The following FREM2 variants were observed in gnomAD, a reference collection of about 807,000 sequenced individuals.
The protein encoded by FREM2 is FRAS1-related extracellular matrix protein 2.
Under a neutral mutation model 219.9 loss-of-function variants are expected in FREM2, and 119 were observed. The observed-to-expected ratio is 0.54, with a 90% CI of 0.47 to 0.63. The LOEUF (loss-of-function observed/expected upper bound fraction) is 0.63. Among genes scored for constraint, FREM2 ranks in the 30% least tolerant of loss-of-function variants. The probability of loss-of-function intolerance (pLI) is 0.00; values close to 1 mark genes in which losing one functional copy is unlikely to be tolerated. For synonymous variants in FREM2, 1,562 were observed against 1,522.8 expected (o/e 1.03, Z -0.60); for missense variants, 4,030 against 3,993.6 (o/e 1.01, Z -0.25).
At chr13:38,744,262 G>A (rs1872373456) in intron 2 of FREM2, among the ~76,000 whole-genome samples, 1 of 128,792 alleles carries the variant, frequency 7.8e-6, no homozygotes, top group African/African-American at 3.0e-5. Flanking sequence ...CCAGGCTGGT[G>A]TGCATTGGTG....
Position 38,691,232 on chromosome 13 carries a change from T to C in FREM2, c.3888T>C (p.Val1296=), listed in dbSNP as rs781401598. The C allele has an allele frequency of 3.1e-6, 5 of 1,613,932 alleles. No individual in the cohort carries two copies. In the South Asian group the frequency reaches 4.4e-5, roughly 14 times the overall value. ...HSVEKTVLII[V]IPVDDETPRM... ...TGGAAAAGACGGTCCTCATTATAGTTATCCCTGTTGATGATGAGACGCCCA... is the reference window on the plus strand; with the variant it reads ...TGGAAAAGACGGTCCTCATTATAGTCATCCCTGTTGATGATGAGACGCCCA... Residue 1296 remains valine, a synonymous_variant, in exon 1 of 24, where the codon GTT becomes GTC. Coordinates refer to ENST00000280481, the MANE Select transcript of FREM2 (RefSeq NM_207361.6).
chr13:38,772,462 A>G (rs988337510), intron 4 of FREM2, among the ~76,000 whole-genome samples: 7 of 152,164 alleles, frequency 4.6e-5, no homozygotes, highest in African/African-American at 1.7e-4. Context: ...ATGTAAGTCT[A>G]TGCTTTTCTC....
In FREM2 at chr13:38,784,712, GA is replaced by G. The variant is rs771741876; in HGVS notation, c.5926del (p.Thr1976ProfsTer6). ...IIDDSLYEEE[E>X]TFHVLLSMPM... ...TGATGACTCTTTGTACGAGGAGGAG[GA>G]AACCTTCCATGTCCTTCTGAGCATG... On this transcript the variant is annotated frameshift_variant, in exon 6 of 24. Transcript: ENST00000280481. LOFTEE classifies it high-confidence loss of function. 6.2e-7 allele frequency: 1 copy of G among 1,614,162 alleles called. No homozygotes were observed. Among genetic ancestry groups the G allele is most frequent in the South Asian group, 1.1e-5 (1 of 91,082 alleles).
chr13:38,804,852 C>G (rs1875161725), intron 6 of FREM2, among the ~76,000 whole-genome samples: 1 of 152,110 alleles, frequency 6.6e-6, no homozygotes, highest in South Asian at 2.1e-4. Context: ...TAATGCCCAG[C>G]TCCTTGGATT....
At chr13:38,694,502 G>A (rs535687902) in intron 1 of FREM2, among the ~76,000 whole-genome samples, 14 of 152,242 alleles carry the variant, frequency 9.2e-5, no homozygotes, top group South Asian at 8.3e-4. Flanking sequence ...TTTTCCACTA[G>A]GAGAAATGAA....
At chr13:38,756,507 G>A (rs957009295) in intron 2 of FREM2, among the ~76,000 whole-genome samples, 11 of 148,626 alleles carry the variant, frequency 7.4e-5, no homozygotes, top group African/African-American at 2.5e-4. Flanking sequence ...CACTGCTTCA[G>A]CACTATGGTT....
chr13:38,688,890 C>G lies in FREM2; in HGVS notation c.1546C>G (p.Gln516Glu), dbSNP rs754076920. ...SFTVAELAAG[Q>E]VVYQHDDRDG... Reference sequence around the variant, plus strand: ...TACAGTGGCTGAGCTGGCAGCCGGCCAGGTGGTCTACCAGCATGATGACAG... The same window carrying G: ...TACAGTGGCTGAGCTGGCAGCCGGCGAGGTGGTCTACCAGCATGATGACAG... The change falls in exon 1 of 24, where the codon CAG becomes GAG. Residue 516 changes from glutamine to glutamate, a missense_variant. This residue lies in a region of FREM2 where 3,102 missense variants were observed against 2,950.7 expected (regional missense o/e 1.05). Coordinates refer to ENST00000280481, the MANE Select transcript of FREM2 (RefSeq NM_207361.6). The G allele has an allele frequency of 1.2e-5, 19 of 1,612,800 alleles. No individual in the cohort carries two copies. The highest frequency in any genetic ancestry group is 1.5e-5 in the Non-Finnish European group (18 of 1,179,480).
rs114712324 is a variant in FREM2 at position 38,791,785 on chromosome 13, A to G, written c.6019+6977A>G. 8.1e-3 allele frequency among the ~76,000 whole-genome samples: 1,238 copies of G among 152,314 alleles called. 11 individuals carry two copies. The highest frequency in any genetic ancestry group is 0.028 in the African/African-American group (1,178 of 41,564). ...GACACAGAGCCAAGCCATATCAAGC[A>G]CAGAAGCCAAAAGCAACATATTTAT... On this transcript the variant is annotated intron_variant, in intron 6 of 23. Coordinates refer to ENST00000280481, the MANE Select transcript of FREM2 (RefSeq NM_207361.6).
At chr13:38,865,103 CCTT>C (rs1005340126) in intron 16 of FREM2, among the ~76,000 whole-genome samples, 1 of 152,152 alleles carries the variant, frequency 6.6e-6, no homozygotes, top group Non-Finnish European at 1.5e-5. Flanking sequence ...GTTTTACTCT[CCTT>C]CTTTTTCTTT....
At position 38,690,773 on chromosome 13, in the gene FREM2, G is replaced by A; in HGVS notation, c.3429G>A (p.Gln1143=). Reference sequence around the variant, plus strand: ...CTTTCAACTTGAAAGATCTCAGGCAGGGCCACATAAACTATGTCCAGAGTG... The same window carrying A: ...CTTTCAACTTGAAAGATCTCAGGCAAGGCCACATAAACTATGTCCAGAGTG... ...ISAFNLKDLR[Q]GHINYVQSVH... Residue 1143 remains glutamine, a synonymous_variant, in exon 1 of 24, where the codon CAG becomes CAA. Transcript: ENST00000280481. The A allele has an allele frequency of 1.2e-6, 2 of 1,614,134 alleles. No homozygotes were observed. The highest frequency in any genetic ancestry group is 1.1e-5 in the South Asian group (1 of 91,080).
intron 4 of FREM2, among the ~76,000 whole-genome samples, chr13:38,770,218 C>T (rs1288102358): frequency 3.4e-5 from 5 of 147,338 alleles, no homozygotes; most frequent in Non-Finnish European, 7.5e-5. Context: ...AATATATATA[C>T]ACATATATAT....
chr13:38,769,100 C>G (rs1479783647), intron 3 of FREM2, among the ~76,000 whole-genome samples: 1 of 152,198 alleles, frequency 6.6e-6, no homozygotes, highest in African/African-American at 2.4e-5. Context: ...TATTATTCCA[C>G]TTGGCCATTT....
chr13:38,787,768 T>G (rs1303096917), intron 6 of FREM2, among the ~76,000 whole-genome samples: 1 of 150,000 alleles, frequency 6.7e-6, no homozygotes, highest in Non-Finnish European at 1.5e-5. Context: ...TATTTATTAT[T>G]ATTTATTAAT....
chr13:38,691,472 C>T lies in FREM2; in HGVS notation c.4128C>T (p.Asp1376=), dbSNP rs768391907. The change falls in exon 1 of 24, where the codon GAC becomes GAT. Residue 1376 remains aspartate (D), a synonymous_variant. Transcript: ENST00000280481. ...TGAATTTTACCCAGGATGAAGTAGA[C>T]AGAAACTTAATTCAGTATGTCCATT... ...LGMNFTQDEV[D]RNLIQYVHLG... is the part of the protein sequence containing the mutation. 7.4e-6 allele frequency: 12 copies of T among 1,614,090 alleles called. No individual in the cohort carries two copies. Among genetic ancestry groups the T allele is most frequent in the Non-Finnish European group, 1.0e-5 (12 of 1,180,008 alleles).
At chr13:38,854,614 G>A (rs189720112) in intron 11 of FREM2, among the ~76,000 whole-genome samples, 4 of 152,204 alleles carry the variant, frequency 2.6e-5, no homozygotes, top group East Asian at 3.9e-4. Context: ...CAAATGATTA[G>A]CTATTTTCTT....
intron 6 of FREM2, among the ~76,000 whole-genome samples, chr13:38,807,430 CAG>C (rs1211334214): frequency 1.3e-5 from 2 of 150,406 alleles, no homozygotes; most frequent in Non-Finnish European, 3.0e-5. Flanking sequence ...TGAATTTTTC[CAG>C]AGAGTTTTCT....
chr13:38,768,016 G>A (rs145138501), intron 3 of FREM2, among the ~76,000 whole-genome samples: 391 of 152,032 alleles, frequency 2.6e-3, no homozygotes, highest in African/African-American at 9.1e-3. Flanking sequence ...TAAGCACTAC[G>A]AAGGCAAGAG....
chr13:38,717,367 G>A (rs192114885), intron 2 of FREM2, among the ~76,000 whole-genome samples: 159 of 149,378 alleles, frequency 1.1e-3, no homozygotes, highest in Admixed American at 5.7e-3. Flanking sequence ...AGGTTTTGAC[G>A]TGTAGGAAAG....
chr13:38,808,206 A>G (rs767851594), intron 6 of FREM2, among the ~76,000 whole-genome samples: 6 of 151,886 alleles, frequency 4.0e-5, no homozygotes, highest in Non-Finnish European at 7.4e-5. Context: ...AATTGAAGAG[A>G]GTTAAGGCCT....
Sources: gnomAD v4.1 joint callset for allele counts (sites outside exome capture counted in the v4.1 genomes callset) on GRCh38, gnomAD v4.1.1 for gene constraint, gnomAD v4.1.1 regional missense constraint, MANE v1.5 for transcripts, NCBI Gene and HGNC (gene_info 2026-07-23, HGNC 2026-07-21) for gene names.